The following TSTD2 variants were observed in gnomAD, a reference collection of about 807,000 sequenced individuals.
The protein encoded by TSTD2 is thiosulfate sulfurtransferase/rhodanese-like domain-containing protein 2.
Under a neutral mutation model 47.9 loss-of-function variants are expected in TSTD2, and 37 were observed. That is an observed-to-expected ratio of 0.77 (90% CI 0.59 to 1.02). The LOEUF is 1.02. Ranked by LOEUF, TSTD2 falls within the 50% of genes least tolerant of loss-of-function variation. The pLI is 0.00. For synonymous variants in TSTD2, 201 were observed against 215.9 expected, an observed-to-expected ratio of 0.93 and a Z score of 0.61; for missense variants, 586 against 616.0, an observed-to-expected ratio of 0.95 and a Z score of 0.52.
intron 7 of TSTD2, among the ~76,000 whole-genome samples, chr9:97,605,916 G>A (rs1293466656): frequency 6.6e-6 from 1 of 152,224 alleles, no homozygotes; most frequent in East Asian, 1.9e-4. Flanking sequence ...GCTCATGGGA[G>A]TCACAAAGTA....
Position 97,604,762 on chromosome 9 carries a change from C to T in TSTD2, c.1217G>A (p.Arg406His), listed in dbSNP as rs201131458. ...ATCACTGTTGTAGGACAGAGCATAG[C>T]GTTCATCAAAAACAAACAACTTCCC... ...YKGKLFVFDE[R>H]YALSYNSDVV... Residue 406 changes from arginine to histidine, a missense_variant, in exon 9 of 10, where the codon CGC (arginine) becomes CAC (histidine). By Grantham distance (29) the Arg-to-His change is conservative (BLOSUM62 0). Coordinates refer to ENST00000341170, the MANE Select transcript of TSTD2 (RefSeq NM_139246.5). The T allele has an allele frequency of 1.2e-4, 199 of 1,614,064 alleles. No individual in the cohort carries two copies. Among genetic ancestry groups the T allele is most frequent in the Admixed American group, 6.0e-4 (36 of 60,006 alleles).
chr9:97,605,406 G>A (rs930321576), intron 8 of TSTD2, 77 bp downstream of exon 8: 27 of 1,571,456 alleles, frequency 1.7e-5, no homozygotes, highest in East Asian at 9.0e-5. Flanking sequence ...TGGGGGCAGC[G>A]GACAGCTCCA....
chr9:97,617,788 G>T lies in TSTD2; in HGVS notation c.572C>A (p.Ala191Asp). The T allele has an allele frequency of 6.2e-7, 1 of 1,614,140 alleles. No homozygotes were observed. The highest frequency in any genetic ancestry group is 1.3e-5 in the African/African-American group (1 of 75,062). ...TGTGAGGTGCAGGTGCTGACACAGA[G>T]CTGTCTGCCAGGCACAGATCCATTG... Reference protein sequence around the residue: ...DPQWICAWQTALCQHLHLTGK... With the variant: ...DPQWICAWQTDLCQHLHLTGK... The change falls in exon 4 of 10, where the codon GCT becomes GAT. Residue 191 changes from alanine to aspartate, a missense_variant. Coordinates refer to ENST00000341170, the MANE Select transcript of TSTD2 (RefSeq NM_139246.5).
chr9:97,616,042 G>GA (rs1357140406), intron 4 of TSTD2, among the ~76,000 whole-genome samples: 1 of 152,100 alleles, frequency 6.6e-6, no homozygotes, highest in African/African-American at 2.4e-5. Context: ...AGTGCACTGG[G>GA]AAAAATGAAT....
chr9:97,618,049 T>C (rs1422997164), intron 3 of TSTD2, among the ~76,000 whole-genome samples, 172 bp from the exon 4 acceptor site: 1 of 152,226 alleles, frequency 6.6e-6, no homozygotes, highest in Non-Finnish European at 1.5e-5. Flanking sequence ...TCTTTTTATA[T>C]TTGCTCTACA....
intron 1 of TSTD2, among the ~76,000 whole-genome samples, chr9:97,629,846 G>C (rs976334305): frequency 5.9e-5 from 9 of 152,114 alleles, no homozygotes; most frequent in African/African-American, 1.9e-4. Context: ...ACCTATAAGG[G>C]CAGTACATTT....
intron 1 of TSTD2, among the ~76,000 whole-genome samples, chr9:97,631,945 C>G (rs910816564): frequency 6.6e-6 from 1 of 152,194 alleles, no homozygotes; most frequent in African/African-American, 2.4e-5. Flanking sequence ...TCATCTACCA[C>G]TCTCCCGTTG....
Position 97,600,168 on chromosome 9 carries a change from T to G in TSTD2, c.*2301A>C. On this transcript the variant is annotated 3_prime_UTR_variant, in exon 10 of 10. Transcript: ENST00000341170. Reference sequence around the variant, plus strand: ...GATTATCATTCTTTATTAACCCTCCTTGGAATTTTGAAAACCTCGATTAAA... The same window carrying G: ...GATTATCATTCTTTATTAACCCTCCGTGGAATTTTGAAAACCTCGATTAAA... 1.0e-6 allele frequency: 1 copy of G among 996,670 alleles called. No individual in the cohort carries two copies. The highest frequency in any genetic ancestry group is 1.2e-6 in the Non-Finnish European group (1 of 835,442). The allele number at this position is 996,670 out of a possible 1,614,324, so 61.7% of individuals were successfully genotyped here.
At position 97,601,165 on chromosome 9, in the gene TSTD2, C is replaced by T; in HGVS notation, c.*1304G>A. On this transcript the variant is annotated 3_prime_UTR_variant, in exon 10 of 10. Transcript: ENST00000341170. The stretch of plus-strand genomic sequence containing the variant: ...GGCACCATGTTGCAGGGACAACCAT[C>T]CCCATTTGGCTTCTCCTTAAAACAC... 1 of 1,301,110 alleles carries T rather than the reference C, an allele frequency of 7.7e-7. No individual in the cohort carries two copies. The highest frequency in any genetic ancestry group is 1.0e-6 in the Non-Finnish European group (1 of 987,758). The allele number at this position is 1,301,110 out of a possible 1,614,324, so 80.6% of individuals were successfully genotyped here. A position where few individuals can be genotyped will look rare whatever the true frequency, so the allele number is the denominator to read the frequency against.
At chr9:97,611,109 T>C (rs189345154) in intron 5 of TSTD2, 3 of 157,488 alleles carry the variant, frequency 1.9e-5, no homozygotes, top group Admixed American at 1.2e-4. Context: ...CCTTCTATTG[T>C]ACTGTCTCGT....
At position 97,600,245 on chromosome 9, in the gene TSTD2, T is replaced by C. The variant is rs943023109; in HGVS notation, c.*2224A>G. The C allele has an allele frequency of 2.8e-5, 28 of 987,960 alleles. No individual in the cohort carries two copies. Among genetic ancestry groups the C allele is most frequent in the African/African-American group, 1.0e-4 (6 of 57,234 alleles). 61.2% of individuals were successfully genotyped at this position (987,960 alleles called of 1,614,324 possible). A position where few individuals can be genotyped will look rare whatever the true frequency, so the allele number is the denominator to read the frequency against. ...AACACAATTTTCCCCTCAGAACAGA[T>C]AGACAGACTGAAGCCACTGAACTCT... On this transcript the variant is annotated 3_prime_UTR_variant, in exon 10 of 10. Coordinates refer to ENST00000341170, the MANE Select transcript of TSTD2 (RefSeq NM_139246.5).
chr9:97,601,107 A>T lies in TSTD2; in HGVS notation c.*1362T>A, dbSNP rs979852475. ...GGCCAGGGCCTCAGCGCTATGGAAG[A>T]GTGTCCACTGAGGCTGCACATGGCC... On this transcript the variant is annotated 3_prime_UTR_variant, in exon 10 of 10. Transcript: ENST00000341170. 2.2e-5 allele frequency: 29 copies of T among 1,304,178 alleles called. No homozygotes were observed. The highest frequency in any genetic ancestry group is 2.8e-5 in the Non-Finnish European group (28 of 988,952). The allele number at this position is 1,304,178 out of a possible 1,614,324, so 80.8% of individuals were successfully genotyped here.
In TSTD2 at chr9:97,606,152, T is replaced by C. The variant is rs1289789347; in HGVS notation, c.945A>G (p.Glu315=). 3 of 1,606,928 alleles carry C rather than the reference T, an allele frequency of 1.9e-6. No homozygotes were observed. The highest frequency in any genetic ancestry group is 2.6e-6 in the Non-Finnish European group (3 of 1,175,416). Residue 315 remains glutamate (E), a synonymous_variant, in exon 7 of 10, where the codon GAA becomes GAG. Transcript: ENST00000341170. Reference sequence around the variant, plus strand: ...TCTGGCTTTTACTTACTATTTTGCTTTCATAGAAGTTTCTGCAATCAAGAA... The same window carrying C: ...TCTGGCTTTTACTTACTATTTTGCTCTCATAGAAGTTTCTGCAATCAAGAA... ...TILLDCRNFY[E]SKIGRFQGCL... is the part of the protein sequence containing the mutation.
chr9:97,604,503 C>T (rs1284344913), intron 9 of TSTD2: 1 of 547,280 alleles, frequency 1.8e-6, no homozygotes, highest in Non-Finnish European at 3.1e-6. Flanking sequence ...GCTTGTCCAG[C>T]TAGCAATGGT....
At chr9:97,615,773 C>G (rs1826533508) in intron 4 of TSTD2, among the ~76,000 whole-genome samples, 1 of 152,100 alleles carries the variant, frequency 6.6e-6, no homozygotes, top group Non-Finnish European at 1.5e-5. Context: ...TGTTTTCAAA[C>G]CTTGTACATT....
chr9:97,607,484 G>A (rs1451999117), intron 6 of TSTD2, among the ~76,000 whole-genome samples: 1 of 152,170 alleles, frequency 6.6e-6, no homozygotes, highest in Non-Finnish European at 1.5e-5. Flanking sequence ...CCAGGCCAAG[G>A]AATCTGGATT....
chr9:97,631,763 G>A (rs1826819621), intron 1 of TSTD2, among the ~76,000 whole-genome samples: 1 of 151,922 alleles, frequency 6.6e-6, no homozygotes, highest in Non-Finnish European at 1.5e-5. Context: ...AGAATTGCCT[G>A]AACCTAAAAG....
intron 4 of TSTD2, among the ~76,000 whole-genome samples, chr9:97,613,229 C>T (rs1826486994): frequency 6.6e-6 from 1 of 152,160 alleles, no homozygotes; most frequent in African/African-American, 2.4e-5. Flanking sequence ...GCACAGAGTA[C>T]ATCTGAGGGC....
rs1163905656 is a variant in TSTD2, at chr9:97,600,312, A to AATG, written c.*2154_*2156dup. 1.5e-5 allele frequency: 15 copies of AATG among 986,068 alleles called. No homozygotes were observed. Among genetic ancestry groups the AATG allele is most frequent in the South Asian group, 9.4e-5 (2 of 21,298 alleles). 61.1% of individuals were successfully genotyped at this position (986,068 alleles called of 1,614,324 possible). A position where few individuals can be genotyped will look rare whatever the true frequency, so the allele number is the denominator to read the frequency against. On this transcript the variant is annotated 3_prime_UTR_variant, in exon 10 of 10. Coordinates refer to ENST00000341170, the MANE Select transcript of TSTD2 (RefSeq NM_139246.5). ...AGATTCCTTTTGCTGGATATGCAGA[A>AATG]ATGATAGGAAAAAAACCAATGGTGA...
Sources: gnomAD v4.1 joint callset for allele counts (sites outside exome capture counted in the v4.1 genomes callset) on GRCh38, gnomAD v4.1.1 for gene constraint, MANE v1.5 for transcripts, NCBI Gene and HGNC (gene_info 2026-07-23, HGNC 2026-07-21) for gene names.